The following FRMD4B variants were observed in gnomAD, a reference collection of about 807,000 sequenced individuals.
FRMD4B encodes FERM domain containing 4B.
In FRMD4B, 74 loss-of-function variants were observed where a neutral mutation model predicts 141.5. The ratio of observed to expected loss-of-function variants is 0.52; its 90% CI spans 0.43 to 0.63. The LOEUF is 0.63. Among genes scored for constraint, FRMD4B ranks in the 30% least tolerant of loss-of-function variants. The pLI is 0.00. For synonymous variants in FRMD4B, 506 were observed against 467.9 expected (o/e 1.08, Z -1.05); for missense variants, 1,366 against 1,253.4 (o/e 1.09, Z -1.36).
chr3:69,436,711 A>C (rs1434237982), intron 1 of FRMD4B, among the ~76,000 whole-genome samples: 1 of 152,246 alleles, frequency 6.6e-6, no homozygotes, highest in East Asian at 1.9e-4. Flanking sequence ...CAGCAGATTA[A>C]TGGATAAACA....
intron 1 of FRMD4B, among the ~76,000 whole-genome samples, chr3:69,485,680 C>T (rs1418791332): frequency 6.6e-6 from 1 of 152,210 alleles, no homozygotes; most frequent in Non-Finnish European, 1.5e-5. Context: ...GGATCCAGGT[C>T]CTTGCTGGGC....
At chr3:69,272,405 C>T (rs1298855872) in intron 5 of FRMD4B, among the ~76,000 whole-genome samples, 1 of 152,218 alleles carries the variant, frequency 6.6e-6, no homozygotes, top group Non-Finnish European at 1.5e-5. Context: ...GGTGATCCGC[C>T]TGCCTCGGCC....
At chr3:69,219,083 T>G (rs1360087501) in intron 9 of FRMD4B, among the ~76,000 whole-genome samples, 2 of 148,958 alleles carry the variant, frequency 1.3e-5, no homozygotes, top group Non-Finnish European at 3.0e-5. Flanking sequence ...GAGAATTGCT[T>G]GAATTCGGGA....
chr3:69,304,496 A>C (rs955919999), intron 3 of FRMD4B, among the ~76,000 whole-genome samples: 2 of 151,764 alleles, frequency 1.3e-5, no homozygotes. Flanking sequence ...AAAAAAAAAA[A>C]AAAAAAAAAC....
intron 1 of FRMD4B, among the ~76,000 whole-genome samples, chr3:69,338,096 G>A (rs1575744015): frequency 6.6e-6 from 1 of 152,284 alleles, no homozygotes; most frequent in Middle Eastern, 3.4e-3. Context: ...AGAAAATGTG[G>A]CACATATACA....
At chr3:69,513,342 G>A (rs1337670611) in intron 1 of FRMD4B, among the ~76,000 whole-genome samples, 1 of 152,078 alleles carries the variant, frequency 6.6e-6, no homozygotes, top group Non-Finnish European at 1.5e-5. Context: ...AACCTATCAA[G>A]ACTGAATCAT....
chr3:69,327,871 G>A (rs1026163000), intron 1 of FRMD4B, among the ~76,000 whole-genome samples: 2 of 152,140 alleles, frequency 1.3e-5, no homozygotes, highest in Non-Finnish European at 2.9e-5. Flanking sequence ...CAACTTACAG[G>A]CTTATATTAT....
At chr3:69,270,985 T>C (rs981086753) in intron 5 of FRMD4B, among the ~76,000 whole-genome samples, 3 of 152,168 alleles carry the variant, frequency 2.0e-5, no homozygotes, top group African/African-American at 7.2e-5. Context: ...GTTTATAAAA[T>C]GTTGTATTTT....
At chr3:69,280,366 C>G (rs1378309679) in intron 5 of FRMD4B, among the ~76,000 whole-genome samples, 1 of 152,124 alleles carries the variant, frequency 6.6e-6, no homozygotes, top group African/African-American at 2.4e-5. Flanking sequence ...CAGTTCCTAC[C>G]TAGGGGCAGT....
At chr3:69,329,908 C>T (rs1702310993) in intron 1 of FRMD4B, among the ~76,000 whole-genome samples, 1 of 152,118 alleles carries the variant, frequency 6.6e-6, no homozygotes, top group South Asian at 2.1e-4. Flanking sequence ...CAAACCTTCA[C>T]ATGAACCTCC....
intron 5 of FRMD4B, 147 bp downstream of exon 5, chr3:69,287,605 A>C: frequency 1.6e-6 from 1 of 617,454 alleles, no homozygotes; most frequent in Admixed American, 2.9e-5. Flanking sequence ...GTATGTGTGT[A>C]GTTGGGGGGT....
intron 1 of FRMD4B, among the ~76,000 whole-genome samples, chr3:69,345,011 C>A (rs1702883555): frequency 6.6e-6 from 1 of 152,032 alleles, no homozygotes; most frequent in African/African-American, 2.4e-5. Flanking sequence ...GTGCAGCCCA[C>A]CGAGAGTGAG....
intron 7 of FRMD4B, chr3:69,228,433 C>A: frequency 2.2e-6 from 1 of 456,888 alleles, no homozygotes; most frequent in African/African-American, 2.0e-5. Flanking sequence ...CCTGGGGACA[C>A]TGAGATATGG....
At chr3:69,399,590 G>C (rs1158128381) in intron 2 of FRMD4B, among the ~76,000 whole-genome samples, 2 of 152,146 alleles carry the variant, frequency 1.3e-5, no homozygotes, top group South Asian at 4.1e-4. Flanking sequence ...TCATTACAGA[G>C]AGCCATACTG....
intron 2 of FRMD4B, among the ~76,000 whole-genome samples, chr3:69,426,730 A>G (rs1705085015): frequency 6.6e-6 from 1 of 152,234 alleles, no homozygotes; most frequent in African/African-American, 2.4e-5. Flanking sequence ...TATTTAAATC[A>G]GAAAATAATT....
chr3:69,430,838 A>G (rs1279880679), intron 2 of FRMD4B, among the ~76,000 whole-genome samples: 1 of 152,238 alleles, frequency 6.6e-6, no homozygotes, highest in African/African-American at 2.4e-5. Flanking sequence ...GCAAGGATGA[A>G]ACAACTTTGG....
intron 2 of FRMD4B, among the ~76,000 whole-genome samples, chr3:69,424,250 T>C (rs970933923): frequency 2.4e-4 from 36 of 152,204 alleles, no homozygotes; most frequent in African/African-American, 8.4e-4. Context: ...TTGGTGTTCA[T>C]GATGCCTTTA....
intron 5 of FRMD4B, among the ~76,000 whole-genome samples, chr3:69,251,374 G>C (rs903946075): frequency 6.6e-6 from 1 of 152,124 alleles, no homozygotes; most frequent in Non-Finnish European, 1.5e-5. Flanking sequence ...GGTTCACAGA[G>C]GTAGTTAGGC....
intron 5 of FRMD4B, among the ~76,000 whole-genome samples, chr3:69,255,452 G>A (rs1575662288): frequency 6.6e-6 from 1 of 152,230 alleles, no homozygotes; most frequent in East Asian, 1.9e-4. Flanking sequence ...GGTGGAGTGG[G>A]GAGGATCGCT....
Sources: allele counts gnomAD v4.1 joint callset (sites outside exome capture counted in the v4.1 genomes callset), GRCh38; gene constraint gnomAD v4.1.1; transcripts MANE v1.5; gene names NCBI Gene and HGNC (gene_info 2026-07-23, HGNC 2026-07-21).